The following MYH15 variants were observed in gnomAD, a reference collection of about 807,000 sequenced individuals.
MYH15 encodes the protein myosin heavy chain 15.
A neutral mutation model predicts 240.5 loss-of-function variants in MYH15; 227 were observed. That is an observed-to-expected ratio of 0.94 (90% CI 0.85 to 1.05). The LOEUF is 1.05. Among genes scored for constraint, MYH15 ranks in the 50% least tolerant of loss-of-function variants. The pLI, the probability that MYH15 is intolerant of heterozygous loss-of-function variation, is 0.00. For synonymous variants in MYH15, 785 were observed against 796.7 expected, an observed-to-expected ratio of 0.99 and a Z score of 0.25; for missense variants, 2,217 against 2,247.5, an observed-to-expected ratio of 0.99 and a Z score of 0.27.
At chr3:108,513,289 C>T (rs12108175), upstream of MYH15, among the ~76,000 whole-genome samples, 5,247 of 152,208 alleles carry the variant, frequency 0.034, 293 homozygotes, top group African/African-American at 0.12. Context: ...GACTGGTATA[C>T]TCACACATGT....
chr3:108,436,053 G>C (rs529505223), intron 25 of MYH15, among the ~76,000 whole-genome samples: 1 of 152,226 alleles, frequency 6.6e-6, no homozygotes, highest in South Asian at 2.1e-4. Flanking sequence ...GAAATTAATA[G>C]CTAATAATTC....
chr3:108,527,625 C>T (rs1335597537), intron 1 of MYH15, among the ~76,000 whole-genome samples: 3 of 151,810 alleles, frequency 2.0e-5, no homozygotes, highest in Non-Finnish European at 4.4e-5. Context: ...CTCTGAATTT[C>T]TCAGTATCTA....
chr3:108,479,494 T>C (rs938678662), intron 11 of MYH15, among the ~76,000 whole-genome samples: 2 of 152,248 alleles, frequency 1.3e-5, no homozygotes, highest in African/African-American at 4.8e-5. Context: ...GTTGTTATTG[T>C]GGTAGTCCTC....
chr3:108,390,697 T>C (rs987052689), intron 37 of MYH15, among the ~76,000 whole-genome samples: 1 of 152,220 alleles, frequency 6.6e-6, no homozygotes, highest in African/African-American at 2.4e-5. Flanking sequence ...TTCTTACTTG[T>C]GTATGTTTAA....
In MYH15 at chr3:108,464,656, A is replaced by G. The variant is rs756333947; in HGVS notation, c.1713T>C (p.Leu571=). ...DKKKFEAHFE[L]VHYAGVVPYN... is the part of the protein sequence containing the mutation. ...AACTCACCACTCCTGCATAATGGAC[A>G]AGTTCAAAATGAGCTTCAAATTTCT... Residue 571 remains leucine (L), a synonymous_variant, in exon 15 of 41, where the codon CTT becomes CTC. Coordinates refer to ENST00000693548, the MANE Select transcript of MYH15 (RefSeq NM_014981.3). The G allele has an allele frequency of 3.2e-5, 51 of 1,612,660 alleles. No individual in the cohort carries two copies. The Admixed American group carries it at 6.9e-4, about 22-fold the overall frequency.
the MYH15 span, among the ~76,000 whole-genome samples, chr3:108,549,113 G>A: frequency 1.3e-5 from 2 of 151,930 alleles, no homozygotes; most frequent in Admixed American, 1.3e-4. Flanking sequence ...AATTTTAAGA[G>A]GATGCGAGTA....
chr3:108,410,670 T>G lies in MYH15; in HGVS notation c.4408A>C (p.Ser1470Arg), dbSNP rs752487450. 17 of 1,614,076 alleles carry G rather than the reference T, an allele frequency of 1.1e-5. No individual in the cohort carries two copies. Among genetic ancestry groups the G allele is most frequent in the Non-Finnish European group, 1.2e-5 (14 of 1,180,044 alleles). ...DASQKEVQAL[S>R]TELLKLKNTY... is the part of the protein sequence containing the mutation. ...TTCTTGAGCTTGAGGAGCTCTGTACTGAGAGCCTGAACTTCCTTCTGAGAG... is the reference window on the plus strand; with the variant it reads ...TTCTTGAGCTTGAGGAGCTCTGTACGGAGAGCCTGAACTTCCTTCTGAGAG... The change falls in exon 31 of 41, where the codon AGT (serine) becomes CGT (arginine). Residue 1470 changes from serine (S) to arginine (R), a missense_variant. Coordinates refer to ENST00000693548, the MANE Select transcript of MYH15 (RefSeq NM_014981.3).
chr3:108,489,395 GA>G lies in MYH15; in HGVS notation c.872-2870del, dbSNP rs961288522. Among the ~76,000 whole-genome samples the G allele has an allele frequency of 5.6e-4, 85 of 152,226 alleles. 1 individual carries two copies. The highest frequency in any genetic ancestry group is 2.6e-4 in the Non-Finnish European group (18 of 68,014). On this transcript the variant is annotated intron_variant, in intron 9 of 40. Transcript: ENST00000693548. The stretch of plus-strand genomic sequence containing the variant: ...TAAATAGAAAGAAAAAAAGTCAAAA[GA>G]AAAAGAGGAGAAAAGGGAAAATATA...
At chr3:108,511,008 G>GC (rs2083518934), upstream of MYH15, among the ~76,000 whole-genome samples, 2 of 152,070 alleles carry the variant, frequency 1.3e-5, no homozygotes, top group Non-Finnish European at 2.9e-5. Flanking sequence ...AGACAGAAGT[G>GC]CCTGTAGTCA....
upstream of MYH15, among the ~76,000 whole-genome samples, chr3:108,515,079 C>T (rs1559674358): frequency 6.6e-6 from 1 of 152,206 alleles, no homozygotes; most frequent in South Asian, 2.1e-4. Context: ...AGTGCCTGCT[C>T]TCATCCACAG....
chr3:108,518,262 C>T (rs746116080), intron 1 of MYH15, among the ~76,000 whole-genome samples: 1 of 152,132 alleles, frequency 6.6e-6, no homozygotes, highest in Admixed American at 6.5e-5. Context: ...GTTTTAAATC[C>T]AGATACATTA....
In MYH15 at chr3:108,428,641, T is replaced by C. The variant is rs926717023; in HGVS notation, c.3553A>G (p.Lys1185Glu). 79 of 1,613,736 alleles carry C rather than the reference T, an allele frequency of 4.9e-5. No homozygotes were observed. Among genetic ancestry groups the C allele is most frequent in the Non-Finnish European group, 6.5e-5 (77 of 1,180,018 alleles). ...GCCAGGCTGTCTGCATGTCTCTTCT[T>C]CAAAGATGCAGAAGTTGTCTCAAAG... The part of the protein sequence containing the change: ...LHFETTSASL[K>E]KRHADSLAEL... Residue 1185 changes from lysine to glutamate, a missense_variant, in exon 27 of 41, where the codon AAG becomes GAG. Coordinates refer to ENST00000693548, the MANE Select transcript of MYH15 (RefSeq NM_014981.3).
intron 32 of MYH15, among the ~76,000 whole-genome samples, chr3:108,406,490 G>A (rs2082547264): frequency 6.6e-6 from 1 of 152,114 alleles, no homozygotes; most frequent in Admixed American, 6.5e-5. Flanking sequence ...ACAAATGCTT[G>A]GATAACAATT....
intron 1 of MYH15, among the ~76,000 whole-genome samples, chr3:108,522,949 TC>T (rs1054825464): frequency 2.0e-5 from 3 of 152,018 alleles, no homozygotes; most frequent in African/African-American, 4.8e-5. Context: ...AAAGAAAAAA[TC>T]CTCTCACTTC....
chr3:108,492,344 A>C (rs114498804), intron 9 of MYH15, among the ~76,000 whole-genome samples, 156 bp downstream of exon 9: 2,430 of 152,284 alleles, frequency 0.016, 54 homozygotes, highest in African/African-American at 0.055. Flanking sequence ...ATACAACACT[A>C]GTTCTATAAT....
intron 32 of MYH15, 95 bp downstream of exon 32, chr3:108,408,185 A>C (rs555465855): frequency 1.5e-6 from 2 of 1,368,474 alleles, no homozygotes; most frequent in East Asian, 4.7e-5. Flanking sequence ...TAAACATTTG[A>C]ATACGTGTCC....
the MYH15 span, among the ~76,000 whole-genome samples, chr3:108,542,265 T>C: frequency 0.14 from 21,457 of 152,092 alleles, 1,778 homozygotes; most frequent in East Asian, 0.35. Context: ...ACATTAACCA[T>C]AGTCTACAGT....
intron 33 of MYH15, among the ~76,000 whole-genome samples, chr3:108,400,625 A>G (rs2107541954): frequency 6.6e-6 from 1 of 152,226 alleles, no homozygotes; most frequent in East Asian, 1.9e-4. Context: ...CCTGGCCAAC[A>G]CGGTGAAATC....
intron 6 of MYH15, among the ~76,000 whole-genome samples, chr3:108,497,157 T>TTAA (rs1286407305): frequency 1.6e-3 from 47 of 28,774 alleles, no homozygotes; most frequent in African/African-American, 7.1e-3. Context: ...CGAGACTCCG[T>TTAA]AAAAAAAAAA....
Sources: gnomAD v4.1 joint callset for allele counts (sites outside exome capture counted in the v4.1 genomes callset) on GRCh38, gnomAD v4.1.1 for gene constraint, MANE v1.5 for transcripts, NCBI Gene and HGNC (gene_info 2026-07-23, HGNC 2026-07-21) for gene names.